PTPRN2: variants seen among roughly 807,000 people sequenced by gnomAD.
PTPRN2 encodes protein tyrosine phosphatase receptor type N2.
A neutral mutation model predicts 118.8 loss-of-function variants in PTPRN2; 74 were observed. That is an observed-to-expected ratio of 0.62 (90% CI 0.52 to 0.76). PTPRN2 has a LOEUF of 0.76. PTPRN2 is among the 30% of genes least tolerant of loss of function. The probability of loss-of-function intolerance (pLI) is 0.00; values close to 1 mark genes in which losing one functional copy is unlikely to be tolerated. For synonymous variants in PTPRN2, 641 were observed against 608.0 expected (o/e 1.05, Z -0.80); for missense variants, 1,481 against 1,394.4 (o/e 1.06, Z -0.99).
At chr7:158,220,607 CA>C (rs1376642782) in intron 3 of PTPRN2, among the ~76,000 whole-genome samples, 1 of 152,010 alleles carries the variant, frequency 6.6e-6, no homozygotes, top group East Asian at 1.9e-4. Flanking sequence ...ATCAAGAATG[CA>C]ATCCCATTTA....
rs150220785 is a variant in PTPRN2 at position 158,320,107 on chromosome 7, TCA to T, written c.164-3177_164-3176del. On this transcript the variant is annotated intron_variant, in intron 2 of 22. Transcript: ENST00000389418. ...CTCACACACACTCACATAGTCTCCC[TCA>T]CACACACACACAGCCTCCCTCACAC... Among the ~76,000 whole-genome samples the T allele has an allele frequency of 4.4e-4, 16 of 36,366 alleles. 3 individuals carry two copies. The highest frequency in any genetic ancestry group is 5.9e-4 in the Admixed American group (2 of 3,418). 23.9% of individuals were successfully genotyped at this position (36,366 alleles called of 152,430 possible).
At chr7:158,294,028 A>G (rs1318461686) in intron 3 of PTPRN2, among the ~76,000 whole-genome samples, 2 of 152,256 alleles carry the variant, frequency 1.3e-5, no homozygotes, top group Admixed American at 1.3e-4. Context: ...TACAGCAAAT[A>G]CACATGTACC....
At chr7:158,267,314 G>A in intron 3 of PTPRN2, among the ~76,000 whole-genome samples, 1 of 141,972 alleles carries the variant, frequency 7.0e-6, no homozygotes, top group Non-Finnish European at 1.6e-5. Flanking sequence ...GTTCCCGCGG[G>A]GAACCCCGGG....
At chr7:158,201,718 G>C (rs1826661737) in intron 4 of PTPRN2, among the ~76,000 whole-genome samples, 1 of 152,158 alleles carries the variant, frequency 6.6e-6, no homozygotes, top group Admixed American at 6.5e-5. Flanking sequence ...TATCTTAACT[G>C]GAACATTTTC....
At chr7:158,396,166 G>A (rs1043653891) in intron 2 of PTPRN2, among the ~76,000 whole-genome samples, 9 of 152,210 alleles carry the variant, frequency 5.9e-5, no homozygotes, top group Non-Finnish European at 1.3e-4. Context: ...GGGCTGAGGA[G>A]GCACTCCCTA....
At chr7:158,234,786 G>A (rs753275871) in intron 3 of PTPRN2, among the ~76,000 whole-genome samples, 23 of 151,870 alleles carry the variant, frequency 1.5e-4, no homozygotes, top group Non-Finnish European at 3.1e-4. Context: ...CTTTTGAGAC[G>A]GAGTCTTGCT....
chr7:157,599,030 G>A (rs1040994034), intron 16 of PTPRN2, among the ~76,000 whole-genome samples: 4 of 147,006 alleles, frequency 2.7e-5, no homozygotes, highest in African/African-American at 7.7e-5. Context: ...TTTTTTTTGA[G>A]ATGGAGCCTC....
chr7:158,226,061 A>G (rs1206732845), intron 3 of PTPRN2, among the ~76,000 whole-genome samples: 1 of 152,190 alleles, frequency 6.6e-6, no homozygotes, highest in Non-Finnish European at 1.5e-5. Context: ...AAGTAACAAT[A>G]TTAAAATTAA....
intron 2 of PTPRN2, among the ~76,000 whole-genome samples, chr7:158,478,099 C>T (rs1270089674): frequency 6.6e-6 from 1 of 152,224 alleles, no homozygotes; most frequent in South Asian, 2.1e-4. Context: ...AGAGTCACCA[C>T]GGAGCGTGGG....
chr7:158,341,302 G>C (rs1806717588), intron 2 of PTPRN2, among the ~76,000 whole-genome samples: 1 of 150,534 alleles, frequency 6.6e-6, no homozygotes, highest in Non-Finnish European at 1.5e-5. Flanking sequence ...GACGCCCATA[G>C]ACGTCACTCA....
intron 14 of PTPRN2, among the ~76,000 whole-genome samples, chr7:157,630,320 GA>G (rs1170869351): frequency 7.2e-5 from 11 of 152,330 alleles, no homozygotes; most frequent in Admixed American, 4.6e-4. Flanking sequence ...AAGAAGAACA[GA>G]TAATGGTTAA....
chr7:158,507,418 G>A (rs1822833055), intron 1 of PTPRN2, among the ~76,000 whole-genome samples: 1 of 151,732 alleles, frequency 6.6e-6, no homozygotes, highest in Non-Finnish European at 1.5e-5. Flanking sequence ...ACAAACAGAG[G>A]TCAGTGAGGA....
intron 2 of PTPRN2, among the ~76,000 whole-genome samples, chr7:158,389,426 G>C (rs1158581650): frequency 1.3e-5 from 2 of 152,172 alleles, no homozygotes; most frequent in Non-Finnish European, 2.9e-5. Context: ...TTCTTTCTGT[G>C]GTGGCCCCTC....
At chr7:157,933,581 G>A (rs1194595491) in intron 11 of PTPRN2, among the ~76,000 whole-genome samples, 6 of 143,058 alleles carry the variant, frequency 4.2e-5, no homozygotes, top group East Asian at 4.3e-4. Context: ...TTTTAGAGGA[G>A]GGGTGAGTCA....
chr7:158,114,390 A>ACTCCCACACCATAAAATCAG (rs1816556778), intron 9 of PTPRN2, among the ~76,000 whole-genome samples: 1 of 152,134 alleles, frequency 6.6e-6, no homozygotes, highest in Non-Finnish European at 1.5e-5. Context: ...CCTTGGCCAA[A>ACTCCCACACCATAAAATCAG]CTCCCACACC....
At chr7:157,957,275 C>T (rs1283217936) in intron 11 of PTPRN2, among the ~76,000 whole-genome samples, 1 of 152,202 alleles carries the variant, frequency 6.6e-6, no homozygotes. Flanking sequence ...TCCACAGCAA[C>T]AGTGCATCCT....
At chr7:157,710,478 C>G (rs1798550816) in intron 12 of PTPRN2, among the ~76,000 whole-genome samples, 3 of 138,336 alleles carry the variant, frequency 2.2e-5, no homozygotes, top group Admixed American at 2.1e-4. Flanking sequence ...TGCCTAACCG[C>G]CCCCACCCCC....
intron 12 of PTPRN2, among the ~76,000 whole-genome samples, chr7:157,841,034 T>C (rs1808384847): frequency 6.6e-6 from 1 of 152,262 alleles, no homozygotes; most frequent in African/African-American, 2.4e-5. Flanking sequence ...CTGGGAGCTC[T>C]GCAGTGCCTT....
chr7:158,278,209 G>A (rs1392340352), intron 3 of PTPRN2, among the ~76,000 whole-genome samples: 1 of 152,132 alleles, frequency 6.6e-6, no homozygotes, highest in Non-Finnish European at 1.5e-5. Context: ...ACACTTCCCA[G>A]TGGACAGGGA....
Sources: allele counts gnomAD v4.1 joint callset (sites outside exome capture counted in the v4.1 genomes callset), GRCh38; gene constraint gnomAD v4.1.1; transcripts MANE v1.5; gene names NCBI Gene and HGNC (gene_info 2026-07-23, HGNC 2026-07-21).